The following SPECC1 variants were observed in gnomAD, a reference collection of about 807,000 sequenced individuals.
The protein encoded by SPECC1 is sperm antigen with calponin homology and coiled-coil domains 1, also known as cytospin-B.
A neutral mutation model predicts 104.1 loss-of-function variants in SPECC1; 62 were observed. That is an observed-to-expected ratio of 0.60 (90% CI 0.49 to 0.74). The LOEUF (loss-of-function observed/expected upper bound fraction) is 0.74, where lower values mean the gene tolerates loss of function less well. SPECC1 is among the 30% of genes least tolerant of loss of function. The probability of loss-of-function intolerance (pLI) is 0.00; values close to 1 mark genes in which losing one functional copy is unlikely to be tolerated. For missense variants in SPECC1, 1,306 were observed against 1,310.5 expected, an observed-to-expected ratio of 1.00 and a Z score of 0.05; for synonymous variants, 513 against 501.6, an observed-to-expected ratio of 1.02 and a Z score of -0.30.
chr17:20,197,323 T>G (rs1440398783), intron 3 of SPECC1, among the ~76,000 whole-genome samples: 1 of 152,194 alleles, frequency 6.6e-6, no homozygotes, highest in African/African-American at 2.4e-5. Flanking sequence ...GCTTTTGAAC[T>G]TTACCTAAGG....
intron 1 of SPECC1, among the ~76,000 whole-genome samples, chr17:20,066,876 C>T (rs1037520461): frequency 6.7e-6 from 1 of 149,688 alleles, no homozygotes; most frequent in African/African-American, 2.5e-5. Context: ...GTAGCTGGGT[C>T]TATAGGTGCC....
intron 14 of SPECC1, among the ~76,000 whole-genome samples, chr17:20,309,401 A>G (rs137890189): frequency 6.6e-6 from 1 of 152,192 alleles, no homozygotes; most frequent in African/African-American, 2.4e-5. Flanking sequence ...TTATTTTTAT[A>G]ATTTCAACTT....
At chr17:20,144,406 G>T (rs193083653) in intron 3 of SPECC1, among the ~76,000 whole-genome samples, 45 of 151,784 alleles carry the variant, frequency 3.0e-4, no homozygotes, top group African/African-American at 1.0e-3. Flanking sequence ...GCCCAGGCTG[G>T]TCTCGAACTA....
intron 4 of SPECC1, among the ~76,000 whole-genome samples, chr17:20,210,074 T>C (rs921846828): frequency 2.6e-5 from 4 of 152,126 alleles, no homozygotes; most frequent in African/African-American, 9.7e-5. Flanking sequence ...GTGTGGGTCC[T>C]AGAGCCAAAC....
chr17:20,189,877 CT>C (rs1054480330), intron 3 of SPECC1, among the ~76,000 whole-genome samples: 60 of 152,258 alleles, frequency 3.9e-4, no homozygotes, highest in African/African-American at 1.4e-3. Context: ...ATGTTTATCC[CT>C]TTACAAAAAT....
chr17:20,156,210 C>T (rs775289926), intron 3 of SPECC1: 2 of 1,426,194 alleles, frequency 1.4e-6, no homozygotes, highest in East Asian at 5.9e-5. Context: ...GGCAACCACT[C>T]AGGACGGCCC....
At position 20,101,751 on chromosome 17, in the gene SPECC1, A is replaced by G. The variant is rs377724755; in HGVS notation, c.147+4953A>G. Among the ~76,000 whole-genome samples, 14 of 152,318 alleles carry G rather than the reference A, an allele frequency of 9.2e-5. No individual in the cohort carries two copies. In the South Asian group the frequency reaches 2.5e-3, roughly 27 times the overall value. ...GTACTGAGCAGATCCTAAGGCTCCC[A>G]TGTCACTATGAGCGGGACAAAGGTG... On this transcript the variant is annotated intron_variant, in intron 2 of 14. Coordinates refer to ENST00000395527, the MANE Select transcript of SPECC1 (RefSeq NM_001243439.2).
chr17:20,172,201 C>G (rs1414447700), intron 3 of SPECC1, among the ~76,000 whole-genome samples: 1 of 152,270 alleles, frequency 6.6e-6, no homozygotes, highest in Admixed American at 6.5e-5. Context: ...TGTACCACAC[C>G]ACACCCCTTC....
intron 3 of SPECC1, among the ~76,000 whole-genome samples, chr17:20,189,441 C>G (rs765130429): frequency 6.6e-6 from 1 of 152,202 alleles, no homozygotes; most frequent in Non-Finnish European, 1.5e-5. Flanking sequence ...TTCAAATGGC[C>G]TGTCAGGAGT....
chr17:20,288,476 GA>G (rs1205944212), intron 12 of SPECC1, among the ~76,000 whole-genome samples: 3 of 152,026 alleles, frequency 2.0e-5, no homozygotes, highest in African/African-American at 7.2e-5. Flanking sequence ...ACAAATATAT[GA>G]AAAAAACCTC....
chr17:20,225,682 T>C (rs994202531), intron 4 of SPECC1, among the ~76,000 whole-genome samples: 2 of 152,170 alleles, frequency 1.3e-5, no homozygotes, highest in Non-Finnish European at 2.9e-5. Context: ...TCCTCCCCTC[T>C]CCGGTGCATC....
At position 20,239,591 on chromosome 17, in the gene SPECC1, T is replaced by C. The variant is rs191750581; in HGVS notation, c.2352-6335T>C. On this transcript the variant is annotated intron_variant, in intron 7 of 14. Coordinates refer to ENST00000395527, the MANE Select transcript of SPECC1 (RefSeq NM_001243439.2). ...GCACAACAAGGTTATAATTTTTTTTTTATGAGTAATGCTATAATAGCAGTC... is the reference window on the plus strand; with the variant it reads ...GCACAACAAGGTTATAATTTTTTTTCTATGAGTAATGCTATAATAGCAGTC... 5.7e-4 allele frequency among the ~76,000 whole-genome samples: 87 copies of C among 152,302 alleles called. No homozygotes were observed. In the East Asian group the frequency reaches 0.013, roughly 23 times the overall value.
chr17:20,306,251 T>C (rs1250712219), intron 14 of SPECC1, 169 bp downstream of exon 14: 11 of 553,896 alleles, frequency 2.0e-5, no homozygotes, highest in Non-Finnish European at 3.5e-5. Context: ...TATCAACATA[T>C]GATTTAGAGA....
chr17:20,130,164 G>T (rs1408972882), intron 3 of SPECC1, among the ~76,000 whole-genome samples: 1 of 152,216 alleles, frequency 6.6e-6, no homozygotes, highest in Non-Finnish European at 1.5e-5. Flanking sequence ...TGCAAAAGTT[G>T]TGAGACTTGG....
chr17:20,171,437 T>C (rs954770088), intron 3 of SPECC1, among the ~76,000 whole-genome samples: 2 of 152,378 alleles, frequency 1.3e-5, no homozygotes, highest in South Asian at 4.1e-4. Flanking sequence ...AAATGACTTC[T>C]TCTGTAAATT....
chr17:20,075,961 T>A (rs906537824), intron 1 of SPECC1, among the ~76,000 whole-genome samples: 13 of 151,918 alleles, frequency 8.6e-5, no homozygotes, highest in African/African-American at 3.1e-4. Context: ...AACTAAAAAT[T>A]AAAATAAGTA....
In SPECC1 at chr17:20,314,819, G is replaced by A; in HGVS notation, c.*754G>A. 4.3e-6 allele frequency: 1 copy of A among 231,936 alleles called. No individual in the cohort carries two copies. Among genetic ancestry groups the A allele is most frequent in the Non-Finnish European group, 8.5e-6 (1 of 117,314 alleles). The allele number at this position is 231,936 out of a possible 1,614,324, so 14.4% of individuals were successfully genotyped here. On this transcript the variant is annotated 3_prime_UTR_variant, in exon 15 of 15. Transcript: ENST00000395527. ...TTCTAGGTAACAATGTTAACACCTG[G>A]AACTTGATTCACTTTTAGCTCTCAC...
At chr17:20,119,640 A>C (rs2048930202) in intron 3 of SPECC1, among the ~76,000 whole-genome samples, 1 of 152,270 alleles carries the variant, frequency 6.6e-6, no homozygotes, top group Non-Finnish European at 1.5e-5. Flanking sequence ...CTCATTTGGA[A>C]TAGGTGAATA....
At chr17:20,220,617 C>G (rs1172329114) in intron 4 of SPECC1, among the ~76,000 whole-genome samples, 1 of 137,322 alleles carries the variant, frequency 7.3e-6, no homozygotes, top group East Asian at 2.1e-4. Context: ...GTCATATCAT[C>G]TGCAAACCAG....
Sources: gnomAD v4.1 joint callset for allele counts (sites outside exome capture counted in the v4.1 genomes callset) on GRCh38, gnomAD v4.1.1 for gene constraint, MANE v1.5 for transcripts, NCBI Gene and HGNC (gene_info 2026-07-23, HGNC 2026-07-21) for gene names.